The following AMBRA1 variants were observed in gnomAD, a reference collection of about 807,000 sequenced individuals.
The protein encoded by AMBRA1 is autophagy and beclin 1 regulator 1, also known as activating molecule in BECN1-regulated autophagy protein 1.
Under a neutral mutation model 125.4 loss-of-function variants are expected in AMBRA1, and 47 were observed. The observed-to-expected ratio is 0.37, with a 90% confidence interval of 0.30 to 0.48. The LOEUF (loss-of-function observed/expected upper bound fraction) is 0.48. AMBRA1 is among the 20% of genes least tolerant of loss of function. AMBRA1 has a pLI of 0.99. For synonymous variants in AMBRA1, 626 were observed against 655.5 expected, an observed-to-expected ratio of 0.95 and a Z score of 0.69; for missense variants, 1,331 against 1,693.4, an observed-to-expected ratio of 0.79 and a Z score of 3.76.
chr11:46,449,161 T>C (rs944385368), intron 11 of AMBRA1, among the ~76,000 whole-genome samples: 11 of 152,120 alleles, frequency 7.2e-5, no homozygotes, highest in Admixed American at 3.3e-4. Flanking sequence ...CCAATACTTT[T>C]CAACATCATA....
rs142396505 is a variant in AMBRA1, at chr11:46,462,010, A to T, written c.2522-18412T>A. ...TTCCTCCCTGCCCTAGTCAATGTTT[A>T]CTAAAATCCCCTTCATCCTTCATAA... On this transcript the variant is annotated intron_variant, in intron 11 of 17. Transcript: ENST00000683756. Among the ~76,000 whole-genome samples, 596 of 152,302 alleles carry T rather than the reference A, an allele frequency of 3.9e-3. 3 individuals carry two copies. The highest frequency in any genetic ancestry group is 0.014 in the African/African-American group (582 of 41,566).
chr11:46,585,934 T>C (rs184404102), intron 1 of AMBRA1, among the ~76,000 whole-genome samples: 7 of 148,838 alleles, frequency 4.7e-5, no homozygotes, highest in African/African-American at 1.7e-4. Context: ...GCCTCCCGAG[T>C]AGCTGAGATT....
chr11:46,560,539 A>G (rs2043297222), intron 1 of AMBRA1, among the ~76,000 whole-genome samples: 1 of 152,192 alleles, frequency 6.6e-6, no homozygotes, highest in Admixed American at 6.5e-5. Flanking sequence ...CCCAAATTTG[A>G]GACTGACAAT....
chr11:46,547,043 A>G, intron 4 of AMBRA1, 70 bp downstream of exon 4: 1 of 1,435,472 alleles, frequency 7.0e-7, no homozygotes, highest in Non-Finnish European at 9.5e-7. Context: ...TGGGCAACAG[A>G]GCGAGACTCC....
chr11:46,434,440 TG>T (rs1302838693), intron 13 of AMBRA1, among the ~76,000 whole-genome samples: 1 of 150,974 alleles, frequency 6.6e-6, no homozygotes, highest in Non-Finnish European at 1.5e-5. Flanking sequence ...GGCAACAATT[TG>T]GCATTTTTCT....
At chr11:46,412,801 C>T (rs574404263) in intron 15 of AMBRA1, among the ~76,000 whole-genome samples, 17 of 152,278 alleles carry the variant, frequency 1.1e-4, no homozygotes, top group African/African-American at 3.6e-4. Flanking sequence ...TTACATTATG[C>T]AAGAGGTAAA....
intron 1 of AMBRA1, among the ~76,000 whole-genome samples, chr11:46,585,723 T>TATA (rs1442252869): frequency 3.0e-5 from 3 of 99,776 alleles, no homozygotes; most frequent in East Asian, 2.3e-4. Context: ...TATATATATA[T>TATA]TCCTAGCTTC....
At chr11:46,520,320 CACTGTAT>C (rs940760254) in intron 7 of AMBRA1, among the ~76,000 whole-genome samples, 1 of 152,118 alleles carries the variant, frequency 6.6e-6, no homozygotes, top group African/African-American at 2.4e-5. Context: ...CTCTAGCAAA[CACTGTAT>C]ACTTGTGAAA....
At chr11:46,410,405 A>C in intron 15 of AMBRA1, 37 bp from the exon 16 acceptor site, 1 of 1,568,960 alleles carries the variant, frequency 6.4e-7, no homozygotes, top group Non-Finnish European at 8.8e-7. Flanking sequence ...AAGAAGGTGA[A>C]AGGCATTAGA....
At chr11:46,454,315 C>T (rs1948748901) in intron 11 of AMBRA1, among the ~76,000 whole-genome samples, 1 of 151,746 alleles carries the variant, frequency 6.6e-6, no homozygotes, top group Non-Finnish European at 1.5e-5. Flanking sequence ...AGGCGTGAGC[C>T]ATCATGCCTG....
chr11:46,527,924 AC>A, intron 7 of AMBRA1, among the ~76,000 whole-genome samples: 1 of 152,298 alleles, frequency 6.6e-6, no homozygotes, highest in Middle Eastern at 3.4e-3. Context: ...TAAAAATAGA[AC>A]TACCATATGT....
At chr11:46,406,374 A>T (rs1367667477) in intron 17 of AMBRA1, among the ~76,000 whole-genome samples, 19 of 1,166 alleles carry the variant, frequency 0.016, no homozygotes, top group East Asian at 0.25. Context: ...CTTTAAATTA[A>T]AAAAAAAAAA....
At chr11:46,407,359 C>T (rs561096457) in intron 17 of AMBRA1, among the ~76,000 whole-genome samples, 169 of 152,296 alleles carry the variant, frequency 1.1e-3, no homozygotes, top group Middle Eastern at 3.4e-3. Context: ...ATTGAGAAGC[C>T]CGTGGTGGTT....
chr11:46,572,831 C>T (rs910319701), intron 1 of AMBRA1, among the ~76,000 whole-genome samples: 2 of 152,044 alleles, frequency 1.3e-5, no homozygotes, highest in Non-Finnish European at 2.9e-5. Context: ...TGGTGGCTCA[C>T]GCCTGTAATC....
rs1952827442 is a variant in AMBRA1 at position 46,543,017 on chromosome 11, C to T, written c.1000G>A (p.Ala334Thr). 1 of 1,599,638 alleles carries T rather than the reference C, an allele frequency of 6.3e-7. No homozygotes were observed. The highest frequency in any genetic ancestry group is 1.7e-5 in the Admixed American group (1 of 59,978). ...PHQDSVPPASARATTPSFSFV... is the reference protein window; with the variant it reads ...PHQDSVPPASTRATTPSFSFV... ...GAAAAGGAAGGGGTAGTAGCTCTGG[C>T]AGAAGCAGGGGGGACACTGTCCTGG... is the stretch of plus-strand genomic sequence containing the variant. Residue 334 changes from alanine to threonine, a missense_variant, in exon 7 of 18, where the codon GCC (alanine) becomes ACC (threonine). By Grantham distance (58) the Ala-to-Thr change is moderately conservative. Coordinates refer to ENST00000683756, the MANE Select transcript of AMBRA1 (RefSeq NM_001387011.1).
intron 1 of AMBRA1, among the ~76,000 whole-genome samples, chr11:46,579,296 A>C (rs1255848885): frequency 6.6e-6 from 1 of 152,074 alleles, no homozygotes; most frequent in Non-Finnish European, 1.5e-5. Context: ...CATCTCTAAT[A>C]AAAATACAAA....
intron 11 of AMBRA1, among the ~76,000 whole-genome samples, chr11:46,489,434 G>A (rs1302037861): frequency 2.0e-5 from 3 of 152,078 alleles, no homozygotes; most frequent in East Asian, 3.9e-4. Flanking sequence ...GTGAGCCACC[G>A]CACCTGGCCA....
At chr11:46,579,451 C>A (rs943203584) in intron 1 of AMBRA1, among the ~76,000 whole-genome samples, 1 of 152,112 alleles carries the variant, frequency 6.6e-6, no homozygotes, top group Non-Finnish European at 1.5e-5. Context: ...GAGCAAAACT[C>A]CATCTCAATA....
Position 46,433,597 on chromosome 11 carries a change from T to A in AMBRA1, c.2853A>T (p.Pro951=), listed in dbSNP as rs567181824. 2 of 1,614,054 alleles carry A rather than the reference T, an allele frequency of 1.2e-6. No individual in the cohort carries two copies. Among genetic ancestry groups the A allele is most frequent in the South Asian group, 2.2e-5 (2 of 91,064 alleles). The change falls in exon 14 of 18, where the codon CCA becomes CCT. Residue 951 remains proline (P), a synonymous_variant. Coordinates refer to ENST00000683756, the MANE Select transcript of AMBRA1 (RefSeq NM_001387011.1). ...GPNAISVSLS[P]MGRYVMVGLA... ...AGCCCACCATTACATATCTGCCCAT[T>A]GGGGACAGGCTCACCGAAATGGCAT...
Sources: allele counts gnomAD v4.1 joint callset (sites outside exome capture counted in the v4.1 genomes callset), GRCh38; gene constraint gnomAD v4.1.1; transcripts MANE v1.5; gene names NCBI Gene and HGNC (gene_info 2026-07-23, HGNC 2026-07-21).